Variants in GLIS1 observed in about 807,000 individuals in gnomAD.
The protein encoded by GLIS1 is GLIS family zinc finger 1.
Under a neutral mutation model 63.8 loss-of-function variants are expected in GLIS1, and 24 were observed. That is an observed-to-expected ratio of 0.38 (90% CI 0.27 to 0.53). GLIS1 has a LOEUF of 0.53. GLIS1 is among the 20% of genes least tolerant of loss of function. The pLI, the probability that GLIS1 is intolerant of heterozygous loss-of-function variation, is 0.85. For synonymous variants in GLIS1, 450 were observed against 482.5 expected (o/e 0.93, Z 0.88); for missense variants, 1,036 against 1,074.1 (o/e 0.96, Z 0.50).
intron 2 of GLIS1, among the ~76,000 whole-genome samples, chr1:53,616,341 TAAACATATTCC>T (rs1645482545): frequency 6.6e-6 from 1 of 152,212 alleles, no homozygotes; most frequent in Non-Finnish European, 1.5e-5. Flanking sequence ...GTATCAGAGA[TAAACATATTCC>T]ATCTGCGTTT....
intron 4 of GLIS1, among the ~76,000 whole-genome samples, chr1:53,585,659 T>C (rs1031014151): frequency 7.9e-5 from 12 of 152,080 alleles, no homozygotes; most frequent in African/African-American, 2.4e-4. Flanking sequence ...GGAACTACAT[T>C]TGGGGAGCAC....
At chr1:53,625,189 A>T (rs1275670728) in intron 2 of GLIS1, among the ~76,000 whole-genome samples, 1 of 152,320 alleles carries the variant, frequency 6.6e-6, no homozygotes, top group African/African-American at 2.4e-5. Context: ...GTCAGAAAAA[A>T]TTCCCTGAGG....
At chr1:53,721,271 ACT>A (rs1448392532) in intron 2 of GLIS1, among the ~76,000 whole-genome samples, 2 of 152,230 alleles carry the variant, frequency 1.3e-5, no homozygotes, top group Admixed American at 1.3e-4. Context: ...CAGCTCCACC[ACT>A]CACCAGCTGC....
At chr1:53,563,250 T>C (rs921645400) in intron 4 of GLIS1, among the ~76,000 whole-genome samples, 1 of 152,192 alleles carries the variant, frequency 6.6e-6, no homozygotes, top group Non-Finnish European at 1.5e-5. Flanking sequence ...GCAGAAGCAA[T>C]GAACCACAAC....
At chr1:53,517,979 A>T (rs1314509600) in intron 7 of GLIS1, among the ~76,000 whole-genome samples, 1 of 152,234 alleles carries the variant, frequency 6.6e-6, no homozygotes, top group African/African-American at 2.4e-5. Flanking sequence ...ACGGGGCCTG[A>T]TGGGCTCTCC....
intron 4 of GLIS1, among the ~76,000 whole-genome samples, chr1:53,580,544 G>T (rs12137291): frequency 0.51 from 76,896 of 151,944 alleles, 23,002 homozygotes; most frequent in Admixed American, 0.65. Context: ...GTCCTCCAAG[G>T]TGAGCTCAAT....
intron 2 of GLIS1, among the ~76,000 whole-genome samples, chr1:53,661,346 AGAG>A (rs1271203073): frequency 2.0e-5 from 3 of 152,220 alleles, no homozygotes; most frequent in East Asian, 1.9e-4. Flanking sequence ...GATAGAAGGC[AGAG>A]GAGGAGTTAA....
intron 4 of GLIS1, among the ~76,000 whole-genome samples, chr1:53,540,707 C>T (rs192304515): frequency 6.6e-6 from 1 of 152,192 alleles, no homozygotes; most frequent in African/African-American, 2.4e-5. Flanking sequence ...CTGAGCTTCA[C>T]CCCGAGCTGC....
chr1:53,543,991 G>C (rs931983881), intron 4 of GLIS1, among the ~76,000 whole-genome samples: 26 of 152,206 alleles, frequency 1.7e-4, no homozygotes, highest in African/African-American at 6.0e-4. Flanking sequence ...GAGCTCCATG[G>C]AGAACCAAGG....
At chr1:53,510,390 C>T (rs771338531) in intron 8 of GLIS1, among the ~76,000 whole-genome samples, 1 of 152,212 alleles carries the variant, frequency 6.6e-6, no homozygotes, top group African/African-American at 2.4e-5. Context: ...TGGCTCACCA[C>T]CGGGCACGCT....
intron 8 of GLIS1, among the ~76,000 whole-genome samples, chr1:53,512,229 G>T (rs1200962632): frequency 6.6e-6 from 1 of 152,150 alleles, no homozygotes; most frequent in Non-Finnish European, 1.5e-5. Flanking sequence ...AGGCAAAAAA[G>T]ATCTTCTGGA....
At chr1:53,556,538 GGTGTGTGT>G (rs1491242419) in intron 4 of GLIS1, among the ~76,000 whole-genome samples, 11 of 93,922 alleles carry the variant, frequency 1.2e-4, no homozygotes, top group East Asian at 8.4e-4. Flanking sequence ...GTGTACTGCA[GGTGTGTGT>G]GTGTGCAGGT....
chr1:53,739,076 C>T (rs1646941843), intron 1 of GLIS1, among the ~76,000 whole-genome samples, 29 bp downstream of exon 1: 1 of 151,918 alleles, frequency 6.6e-6, no homozygotes, highest in South Asian at 2.1e-4. Context: ...CACGCCCCTC[C>T]CTCGGCCGCG....
At chr1:53,688,453 C>A (rs937482112) in intron 2 of GLIS1, among the ~76,000 whole-genome samples, 9 of 152,326 alleles carry the variant, frequency 5.9e-5, no homozygotes, top group African/African-American at 2.2e-4. Flanking sequence ...CTCTGTGCCA[C>A]CTTTCCCACC....
rs938311261 is a variant in GLIS1 at position 53,506,302 on chromosome 1, A to C, written c.*317T>G. ...AAATATAAAACTGGCAGGGGAACGGAAAACAAGTTCTGCATATTTTATATA... is the reference window on the plus strand; with the variant it reads ...AAATATAAAACTGGCAGGGGAACGGCAAACAAGTTCTGCATATTTTATATA... On this transcript the variant is annotated 3_prime_UTR_variant, in exon 11 of 11. Coordinates refer to ENST00000628545, the MANE Select transcript of GLIS1 (RefSeq NM_001367484.1). 2 of 336,022 alleles carry C rather than the reference A, an allele frequency of 6.0e-6. No individual in the cohort carries two copies. The highest frequency in any genetic ancestry group is 5.4e-6 in the Non-Finnish European group (1 of 184,152). The allele number at this position is 336,022 out of a possible 1,614,324, so 20.8% of individuals were successfully genotyped here.
chr1:53,585,505 G>A (rs1201500359), intron 4 of GLIS1, among the ~76,000 whole-genome samples: 1 of 150,296 alleles, frequency 6.7e-6, no homozygotes, highest in East Asian at 2.0e-4. Flanking sequence ...GGGGGGTCAG[G>A]GATGGAGATA....
chr1:53,711,060 G>C (rs1646641767), intron 2 of GLIS1, among the ~76,000 whole-genome samples: 1 of 151,988 alleles, frequency 6.6e-6, no homozygotes, highest in East Asian at 1.9e-4. Context: ...CCTATCACAG[G>C]CCAAAAGGAA....
intron 4 of GLIS1, among the ~76,000 whole-genome samples, chr1:53,592,239 G>A (rs1284977825): frequency 3.9e-5 from 6 of 152,176 alleles, no homozygotes; most frequent in African/African-American, 7.2e-5. Flanking sequence ...GAAAGTGGGC[G>A]GGGAAGGGCT....
chr1:53,582,690 C>T (rs1018288036), intron 4 of GLIS1, among the ~76,000 whole-genome samples: 2 of 152,246 alleles, frequency 1.3e-5, no homozygotes, highest in Non-Finnish European at 2.9e-5. Flanking sequence ...ACTCAGCAGA[C>T]TGTGGTGTCT....
Sources: allele counts gnomAD v4.1 joint callset (sites outside exome capture counted in the v4.1 genomes callset), GRCh38; gene constraint gnomAD v4.1.1; transcripts MANE v1.5; gene names NCBI Gene and HGNC (gene_info 2026-07-23, HGNC 2026-07-21).